CTBP2: variants seen among roughly 807,000 people sequenced by gnomAD.
The protein encoded by CTBP2 is C-terminal binding protein 2, also known as C-terminal-binding protein 2.
In CTBP2, 30 loss-of-function variants were observed where a neutral mutation model predicts 80.3. The observed-to-expected ratio is 0.37, with a 90% CI of 0.28 to 0.51. The LOEUF (loss-of-function observed/expected upper bound fraction) is 0.51, where lower values mean the gene tolerates loss of function less well. Among genes scored for constraint, CTBP2 ranks in the 20% least tolerant of loss-of-function variants. The pLI is 0.93. For synonymous variants in CTBP2, 594 were observed against 587.4 expected (o/e 1.01, Z -0.16); for missense variants, 1,212 against 1,375.3 (o/e 0.88, Z 1.88).
At chr10:125,019,396 C>T (rs1490590875) in intron 1 of CTBP2, among the ~76,000 whole-genome samples, 8 of 152,002 alleles carry the variant, frequency 5.3e-5, no homozygotes, top group South Asian at 2.1e-4. Flanking sequence ...ATTCTGGCTT[C>T]GTATGTTCTT....
Position 125,111,063 on chromosome 10 carries a change from T to A in CTBP2, c.-175A>T, listed in dbSNP as rs938990826. ...GTCTTTTTAAGGGAATACACCTTCA[T>A]TGGTTCAAAACCATTTAAGGTGATG... On this transcript the variant is annotated 5_prime_UTR_variant, in exon 2 of 11. An upstream start codon of the reference 5' UTR is lost. Coordinates refer to the CTBP2 transcript ENST00000337195. The A allele has an allele frequency of 2.0e-5, 3 of 152,646 alleles. No homozygotes were observed. The highest frequency in any genetic ancestry group is 4.4e-5 in the Non-Finnish European group (3 of 68,044). 9.5% of individuals were successfully genotyped at this position (152,646 alleles called of 1,614,324 possible).
chr10:125,097,662 T>C (rs888331012), intron 2 of CTBP2, among the ~76,000 whole-genome samples: 2 of 151,508 alleles, frequency 1.3e-5, no homozygotes, highest in South Asian at 4.2e-4. Context: ...GTCAGATGTA[T>C]GTGTGCACAC....
intron 1 of CTBP2, among the ~76,000 whole-genome samples, chr10:125,131,058 G>C (rs1856096001): frequency 6.6e-6 from 1 of 152,250 alleles, no homozygotes; most frequent in South Asian, 2.1e-4. Flanking sequence ...GGAGACGCAA[G>C]TCTGACAGCA....
intron 1 of CTBP2, among the ~76,000 whole-genome samples, chr10:125,016,455 C>T (rs1264196453): frequency 6.6e-6 from 1 of 152,204 alleles, no homozygotes; most frequent in Non-Finnish European, 1.5e-5. Context: ...GCAAAAGGAC[C>T]CTGAGTAGCC....
rs535526163 is a variant in CTBP2, at chr10:124,992,288, T to G, written c.2777+407A>C. ...TCTCACTCTGTGGCCTAGGCTGGAG[T>G]GCAGTGGGTGATCTCGGCTCACTGC... On this transcript the variant is annotated intron_variant, in intron 8 of 8. Coordinates refer to ENST00000309035, the MANE Select transcript of CTBP2 (RefSeq NM_022802.3). Among the ~76,000 whole-genome samples the G allele has an allele frequency of 2.0e-4, 27 of 135,034 alleles. No homozygotes were observed. The South Asian group carries it at 6.3e-3, about 31-fold the overall frequency. 88.6% of individuals were successfully genotyped at this position (135,034 alleles called of 152,430 possible).
intron 1 of CTBP2, among the ~76,000 whole-genome samples, chr10:125,142,527 T>C (rs1858009537): frequency 6.6e-6 from 1 of 152,130 alleles, no homozygotes; most frequent in Non-Finnish European, 1.5e-5. Flanking sequence ...CTTTCCTCGG[T>C]GATGGGATGG....
rs572654066 is a variant in CTBP2 at position 125,057,519 on chromosome 10, C to T, written c.-101-18364G>A. ...CGGCCACTGAGGCCCAGACTCCCCC[C>T]GACTGAGTCTTTTGGGGATGACGTT... is the stretch of plus-strand genomic sequence containing the variant. On this transcript the variant is annotated intron_variant, in intron 2 of 10. Transcript: ENST00000337195. Among the ~76,000 whole-genome samples the T allele has an allele frequency of 1.1e-3, 164 of 152,324 alleles. No individual in the cohort carries two copies. The South Asian group carries it at 0.014, about 13-fold the overall frequency.
intron 2 of CTBP2, among the ~76,000 whole-genome samples, chr10:125,045,632 G>A (rs1444660411): frequency 6.6e-6 from 1 of 152,068 alleles, no homozygotes. Flanking sequence ...CCAAGTAGCT[G>A]GGCACAAGCC....
chr10:125,124,618 A>G (rs1301525209), intron 1 of CTBP2, among the ~76,000 whole-genome samples: 3 of 152,250 alleles, frequency 2.0e-5, no homozygotes. Flanking sequence ...AACATTGCTT[A>G]GCTTTAAAGC....
At chr10:125,029,844 G>C (rs58762526), upstream of CTBP2, among the ~76,000 whole-genome samples, 1 of 152,094 alleles carries the variant, frequency 6.6e-6, no homozygotes, top group Non-Finnish European at 1.5e-5. Flanking sequence ...ATGTTTACCC[G>C]GTAGCGCCTA....
intron 2 of CTBP2, among the ~76,000 whole-genome samples, chr10:125,093,373 G>C (rs1849072964): frequency 6.6e-6 from 1 of 152,186 alleles, no homozygotes; most frequent in African/African-American, 2.4e-5. Context: ...GTGCTGTTCT[G>C]AGAGAACATT....
At chr10:125,084,762 C>A (rs1847727542) in intron 2 of CTBP2, among the ~76,000 whole-genome samples, 1 of 151,728 alleles carries the variant, frequency 6.6e-6, no homozygotes, top group African/African-American at 2.4e-5. Flanking sequence ...TGTCCCAGCA[C>A]CCCCGCCTTC....
chr10:125,039,525 C>T (rs544709699), intron 2 of CTBP2, among the ~76,000 whole-genome samples: 7 of 152,344 alleles, frequency 4.6e-5, no homozygotes, highest in Admixed American at 2.0e-4. Flanking sequence ...GTTGGACCTG[C>T]CCCAAACGCA....
intron 2 of CTBP2, among the ~76,000 whole-genome samples, chr10:125,098,718 G>GAGAA (rs1850059985): frequency 8.3e-6 from 1 of 120,498 alleles, no homozygotes; most frequent in Non-Finnish European, 1.8e-5. Flanking sequence ...CAGAGAGAGA[G>GAGAA]AGAGACAGAG....
chr10:125,101,707 T>C (rs1850652017), intron 2 of CTBP2, among the ~76,000 whole-genome samples: 1 of 152,198 alleles, frequency 6.6e-6, no homozygotes, highest in African/African-American at 2.4e-5. Flanking sequence ...AAATGTTCAT[T>C]GCAACATAGA....
chr10:125,077,755 G>A (rs1846496801), intron 2 of CTBP2, among the ~76,000 whole-genome samples: 1 of 152,192 alleles, frequency 6.6e-6, no homozygotes. Context: ...CACCCCAGCT[G>A]ATGCCCACGG....
intron 2 of CTBP2, among the ~76,000 whole-genome samples, chr10:125,096,269 T>A (rs184787632): frequency 6.6e-6 from 1 of 152,352 alleles, no homozygotes; most frequent in East Asian, 1.9e-4. Flanking sequence ...CGTCTTTTTT[T>A]CTGAGAGTAG....
chr10:125,110,502 C>T (rs753398833), intron 2 of CTBP2, among the ~76,000 whole-genome samples: 12 of 152,154 alleles, frequency 7.9e-5, no homozygotes, highest in African/African-American at 1.4e-4. Context: ...TTCAAGACAT[C>T]CTAGAGGCTG....
chr10:125,147,853 C>T (rs536405308), intron 1 of CTBP2, among the ~76,000 whole-genome samples: 54 of 152,072 alleles, frequency 3.6e-4, no homozygotes, highest in African/African-American at 1.1e-3. Flanking sequence ...GCCGTGATTG[C>T]GCCACTGCAC....
Sources: allele counts gnomAD v4.1 joint callset (sites outside exome capture counted in the v4.1 genomes callset), GRCh38; gene constraint gnomAD v4.1.1; transcripts MANE v1.5; gene names NCBI Gene and HGNC (gene_info 2026-07-23, HGNC 2026-07-21).